Variants in STK32B observed in about 807,000 individuals in gnomAD.
STK32B encodes serine/threonine-protein kinase 32B.
A neutral mutation model predicts 52.6 loss-of-function variants in STK32B; 43 were observed. The observed-to-expected ratio is 0.82, with a 90% confidence interval of 0.64 to 1.05. The LOEUF (loss-of-function observed/expected upper bound fraction) is 1.05, where lower values mean the gene tolerates loss of function less well. Among genes scored for constraint, STK32B ranks in the 50% least tolerant of loss-of-function variants. STK32B has a pLI of 0.00. For missense variants in STK32B, 621 were observed against 534.6 expected (o/e 1.16, Z -1.59); for synonymous variants, 238 against 204.3 (o/e 1.17, Z -1.41).
Position 5,051,575 on chromosome 4 carries a change from C to A in STK32B, c.-289C>A, listed in dbSNP as rs1302245522. On this transcript the variant is annotated 5_prime_UTR_variant, in exon 1 of 12. Coordinates refer to ENST00000282908, the MANE Select transcript of STK32B (RefSeq NM_018401.3). ...ACGTTGGCCCCGGCGCGAGGAGCTC[C>A]CGGGTTCCCGGGCGGGCACTGGAGT... The A allele has an allele frequency of 5.0e-6, 2 of 398,868 alleles. No individual in the cohort carries two copies. The highest frequency in any genetic ancestry group is 8.8e-6 in the Non-Finnish European group (2 of 226,696). The allele number at this position is 398,868 out of a possible 1,614,324, so 24.7% of individuals were successfully genotyped here.
intron 3 of STK32B, among the ~76,000 whole-genome samples, chr4:5,212,961 C>T (rs573937397): frequency 5.2e-4 from 79 of 152,220 alleles, no homozygotes; most frequent in African/African-American, 1.9e-3. Flanking sequence ...TCTGTCTCTA[C>T]AGAATATATT....
At chr4:5,075,407 A>G (rs376379339) in intron 1 of STK32B, among the ~76,000 whole-genome samples, 15 of 152,034 alleles carry the variant, frequency 9.9e-5, no homozygotes, top group African/African-American at 3.6e-4. Flanking sequence ...ACTTTTATTC[A>G]CTTTTTTATA....
chr4:5,296,813 T>C (rs566519889), intron 3 of STK32B, among the ~76,000 whole-genome samples: 1 of 152,244 alleles, frequency 6.6e-6, no homozygotes, highest in African/African-American at 2.4e-5. Flanking sequence ...ATTATGATGC[T>C]AGCTGGTTAT....
chr4:5,353,544 TAAAAAA>T (rs138450850), intron 4 of STK32B, among the ~76,000 whole-genome samples: 1 of 142,118 alleles, frequency 7.0e-6, no homozygotes, highest in African/African-American at 2.5e-5. Flanking sequence ...AACTCAACAG[TAAAAAA>T]AAAAAATAAA....
chr4:5,267,052 G>A (rs1389129086), intron 3 of STK32B, among the ~76,000 whole-genome samples: 1 of 152,170 alleles, frequency 6.6e-6, no homozygotes, highest in East Asian at 1.9e-4. Context: ...GGACCTGGGA[G>A]GTGAATTCCT....
At chr4:5,367,252 A>C (rs953068652) in intron 4 of STK32B, among the ~76,000 whole-genome samples, 1 of 152,136 alleles carries the variant, frequency 6.6e-6, no homozygotes, top group African/African-American at 2.4e-5. Flanking sequence ...TGGAAATACC[A>C]CAGGGCAGCT....
intron 3 of STK32B, among the ~76,000 whole-genome samples, chr4:5,246,485 T>C (rs1407184939): frequency 6.6e-6 from 1 of 152,212 alleles, no homozygotes; most frequent in African/African-American, 2.4e-5. Context: ...TAACTTTTTT[T>C]CAAAGTTTTT....
At chr4:5,176,784 A>T (rs1577146202) in intron 3 of STK32B, among the ~76,000 whole-genome samples, 1 of 152,132 alleles carries the variant, frequency 6.6e-6, no homozygotes, top group South Asian at 2.1e-4. Context: ...GGTCCTCAAG[A>T]CACCAACAGA....
At chr4:5,252,720 T>C (rs990829220) in intron 3 of STK32B, among the ~76,000 whole-genome samples, 3 of 152,228 alleles carry the variant, frequency 2.0e-5, no homozygotes, top group Admixed American at 2.0e-4. Flanking sequence ...CAAATCCCAG[T>C]AGTACCACTT....
chr4:5,367,498 A>G (rs920798901), intron 4 of STK32B, among the ~76,000 whole-genome samples: 2 of 151,538 alleles, frequency 1.3e-5, no homozygotes, highest in East Asian at 3.9e-4. Flanking sequence ...GTCGCTGAGT[A>G]GGATGCTGTA....
chr4:5,178,381 A>G (rs1051206828), intron 3 of STK32B, among the ~76,000 whole-genome samples: 2 of 152,194 alleles, frequency 1.3e-5, no homozygotes, highest in African/African-American at 4.8e-5. Flanking sequence ...GGCCTGGCCC[A>G]TGAAACTATT....
chr4:5,406,847 C>T (rs756452778), intron 5 of STK32B, among the ~76,000 whole-genome samples: 1 of 152,180 alleles, frequency 6.6e-6, no homozygotes, highest in Non-Finnish European at 1.5e-5. Context: ...TCTGGAATGC[C>T]TTTGAGGCAT....
intron 3 of STK32B, among the ~76,000 whole-genome samples, chr4:5,239,612 T>A (rs1037930338): frequency 9.2e-5 from 14 of 152,062 alleles, no homozygotes; most frequent in Admixed American, 7.9e-4. Context: ...CAACTGATGC[T>A]GGGCAAGGCT....
chr4:5,234,064 G>C (rs1724455037), intron 3 of STK32B, among the ~76,000 whole-genome samples: 2 of 152,166 alleles, frequency 1.3e-5, no homozygotes, highest in Admixed American at 6.5e-5. Context: ...CTGACCTCAT[G>C]TGATCTGATG....
intron 11 of STK32B, among the ~76,000 whole-genome samples, chr4:5,483,879 T>G (rs971927441): frequency 2.0e-5 from 3 of 152,196 alleles, no homozygotes; most frequent in African/African-American, 4.8e-5. Flanking sequence ...TTGTTCAGTT[T>G]CTATGTAGCT....
chr4:5,035,887 T>G, the STK32B span, among the ~76,000 whole-genome samples: 13 of 151,756 alleles, frequency 8.6e-5, no homozygotes, highest in Admixed American at 5.2e-4. Context: ...GTTCAAGTGA[T>G]TCTCCTGCCT....
intron 6 of STK32B, among the ~76,000 whole-genome samples, chr4:5,438,245 C>T (rs1259123654): frequency 1.3e-5 from 2 of 152,172 alleles, no homozygotes; most frequent in Admixed American, 6.5e-5. Context: ...GAAGGAAGTC[C>T]CTGTAGGCTG....
In STK32B at chr4:5,467,801, A is replaced by T. The variant is rs1361212655; in HGVS notation, c.1042-205A>T. On this transcript the variant is annotated intron_variant, in intron 10 of 11. Coordinates refer to ENST00000282908, the MANE Select transcript of STK32B (RefSeq NM_018401.3). This position sits in a 1 kb window ranked among gnomAD's most constrained non-coding sequence, Gnocchi z 5.8. Reference sequence around the variant, plus strand: ...AGTTGGATTTCATGGCTTAACGTGGAGAAAAGCATCTTTGTCCACCAGGCT... The same window carrying T: ...AGTTGGATTTCATGGCTTAACGTGGTGAAAAGCATCTTTGTCCACCAGGCT... 6.6e-6 allele frequency among the ~76,000 whole-genome samples: 1 copy of T among 152,172 alleles called. No homozygotes were observed. Among genetic ancestry groups the T allele is most frequent in the African/African-American group, 2.4e-5 (1 of 41,442 alleles).
chr4:5,282,445 T>C (rs1393832390), intron 3 of STK32B, among the ~76,000 whole-genome samples: 1 of 152,176 alleles, frequency 6.6e-6, no homozygotes, highest in Non-Finnish European at 1.5e-5. Flanking sequence ...AGTAAGAAAT[T>C]AACAGTAATA....
Sources: gnomAD v4.1 joint callset for allele counts (sites outside exome capture counted in the v4.1 genomes callset) on GRCh38, gnomAD v4.1.1 for gene constraint, Gnocchi (gnomAD v3.1) non-coding constraint, MANE v1.5 for transcripts, NCBI Gene and HGNC (gene_info 2026-07-23, HGNC 2026-07-21) for gene names.